Variants in KLF12 observed in about 807,000 individuals in gnomAD.
The protein encoded by KLF12 is Krueppel-like factor 12.
Under a neutral mutation model 37.8 loss-of-function variants are expected in KLF12, and 9 were observed. That is an observed-to-expected ratio of 0.24 (90% confidence interval 0.14 to 0.42). The LOEUF is 0.42. Ranked by LOEUF, KLF12 falls within the 10% of genes least tolerant of loss-of-function variation. The probability of loss-of-function intolerance (pLI) is 1.00; values close to 1 mark genes in which losing one functional copy is unlikely to be tolerated. For synonymous variants in KLF12, 208 were observed against 202.1 expected (o/e 1.03, Z -0.25); for missense variants, 411 against 516.0 (o/e 0.80, Z 1.97).
At chr13:74,302,630 C>T in the KLF12 span, among the ~76,000 whole-genome samples, 1 of 152,050 alleles carries the variant, frequency 6.6e-6, no homozygotes, top group South Asian at 2.1e-4. Flanking sequence ...ATTGTCAGTC[C>T]CCACTGCTAG....
chr13:73,775,837 G>A (rs1301904685), intron 5 of KLF12, among the ~76,000 whole-genome samples: 1 of 152,200 alleles, frequency 6.6e-6, no homozygotes, highest in Admixed American at 6.5e-5. Context: ...AAGAGGCAAA[G>A]TTAAAGTATA....
At chr13:74,079,628 T>C (rs984686053) in intron 1 of KLF12, among the ~76,000 whole-genome samples, 1 of 152,178 alleles carries the variant, frequency 6.6e-6, no homozygotes, top group Non-Finnish European at 1.5e-5. Context: ...CTTGCTGAGA[T>C]AGCGCTTCAC....
chr13:73,954,397 G>T (rs1890763057), intron 2 of KLF12, among the ~76,000 whole-genome samples: 1 of 152,122 alleles, frequency 6.6e-6, no homozygotes, highest in Non-Finnish European at 1.5e-5. Flanking sequence ...CTTGAGCATG[G>T]TATTGGTTTC....
intron 4 of KLF12, among the ~76,000 whole-genome samples, chr13:73,815,017 A>G (rs1883137985): frequency 1.3e-5 from 2 of 151,314 alleles, no homozygotes; most frequent in Admixed American, 1.3e-4. Flanking sequence ...CACATACCAG[A>G]TTATCCATAT....
rs1031366900 is a variant in KLF12, at chr13:73,895,509, T to G, written c.123+48472A>C. 2.5e-4 allele frequency among the ~76,000 whole-genome samples: 38 copies of G among 152,196 alleles called. 1 individual carries two copies. Among genetic ancestry groups the G allele is most frequent in the Non-Finnish European group, 1.5e-4 (10 of 68,032 alleles). On this transcript the variant is annotated intron_variant, in intron 3 of 7. Coordinates refer to ENST00000377669, the MANE Select transcript of KLF12 (RefSeq NM_007249.5). ...GACCTGAAACATTAGAAAAGTAAAA[T>G]AGGTGCTCTGATCTATGCCAGTCCT...
At chr13:74,174,427 A>G in the KLF12 span, among the ~76,000 whole-genome samples, 2 of 148,716 alleles carry the variant, frequency 1.3e-5, no homozygotes, top group Admixed American at 6.8e-5. Flanking sequence ...TTTTTAGTAG[A>G]GACGGGGTTT....
chr13:73,794,992 T>C (rs1179073460), intron 5 of KLF12, among the ~76,000 whole-genome samples: 1 of 152,208 alleles, frequency 6.6e-6, no homozygotes, highest in Non-Finnish European at 1.5e-5. Context: ...GTCTCCTAGA[T>C]AGAGCCAGGT....
At chr13:74,121,890 A>G (rs1877653118) in intron 1 of KLF12, among the ~76,000 whole-genome samples, 1 of 152,070 alleles carries the variant, frequency 6.6e-6, no homozygotes, top group African/African-American at 2.4e-5. Context: ...GACTACCTCA[A>G]AATTGCTGCT....
chr13:74,190,935 CT>C, the KLF12 span, among the ~76,000 whole-genome samples: 1 of 152,080 alleles, frequency 6.6e-6, no homozygotes, highest in African/African-American at 2.4e-5. Context: ...TTTTTTTCCA[CT>C]TATGTTTGGA....
chr13:73,969,390 G>A (rs1018330987), intron 2 of KLF12, among the ~76,000 whole-genome samples: 1 of 152,186 alleles, frequency 6.6e-6, no homozygotes, highest in Admixed American at 6.5e-5. Flanking sequence ...CAGGCCCCAG[G>A]TAAGCTTCTA....
the KLF12 span, among the ~76,000 whole-genome samples, chr13:74,199,350 C>G: frequency 5.3e-5 from 8 of 152,068 alleles, no homozygotes; most frequent in African/African-American, 1.7e-4. Context: ...TTCTCATTAC[C>G]CAGAAGTGTG....
At chr13:74,193,544 AC>A in the KLF12 span, among the ~76,000 whole-genome samples, 1 of 152,164 alleles carries the variant, frequency 6.6e-6, no homozygotes, top group Non-Finnish European at 1.5e-5. Flanking sequence ...TGCCAAAGTT[AC>A]TCATAGCCTG....
At chr13:73,869,377 G>A (rs550517318) in intron 3 of KLF12, among the ~76,000 whole-genome samples, 1 of 151,994 alleles carries the variant, frequency 6.6e-6, no homozygotes, top group Non-Finnish European at 1.5e-5. Context: ...AAATACATTT[G>A]TTGTGATTTC....
intron 1 of KLF12, among the ~76,000 whole-genome samples, chr13:74,094,320 T>A (rs1287131719): frequency 6.6e-6 from 1 of 152,172 alleles, no homozygotes; most frequent in African/African-American, 2.4e-5. Flanking sequence ...AGAAAATAGT[T>A]CTTGGCTTTA....
intron 1 of KLF12, among the ~76,000 whole-genome samples, chr13:74,078,726 C>T (rs1874709485): frequency 1.3e-5 from 2 of 152,082 alleles, no homozygotes; most frequent in Non-Finnish European, 2.9e-5. Flanking sequence ...TTCAAATGTA[C>T]TGATTAATGA....
chr13:74,009,667 G>T (rs906584514), intron 1 of KLF12, among the ~76,000 whole-genome samples: 1 of 152,180 alleles, frequency 6.6e-6, no homozygotes, highest in Admixed American at 6.5e-5. Flanking sequence ...TGATTTGCTG[G>T]CATGTATGGT....
intron 5 of KLF12, among the ~76,000 whole-genome samples, chr13:73,769,036 G>T (rs1403848518): frequency 6.6e-6 from 1 of 152,112 alleles, no homozygotes; most frequent in Non-Finnish European, 1.5e-5. Context: ...ATATAAAGTG[G>T]AAGTAATGGT....
chr13:74,139,791 G>A, the KLF12 span, among the ~76,000 whole-genome samples: 2 of 151,904 alleles, frequency 1.3e-5, no homozygotes, highest in African/African-American at 2.4e-5. Context: ...AAACATTAGA[G>A]CTGTAAAGTA....
At chr13:73,992,894 C>T (rs980359293) in intron 2 of KLF12, among the ~76,000 whole-genome samples, 3 of 152,184 alleles carry the variant, frequency 2.0e-5, no homozygotes, top group South Asian at 2.1e-4. Context: ...TCTGTTCAAA[C>T]GCATCTACAA....
Sources: allele counts gnomAD v4.1 joint callset (sites outside exome capture counted in the v4.1 genomes callset), GRCh38; gene constraint gnomAD v4.1.1; transcripts MANE v1.5; gene names NCBI Gene and HGNC (gene_info 2026-07-23, HGNC 2026-07-21).